KCND3: variants seen among roughly 807,000 people sequenced by gnomAD.
KCND3 encodes A-type voltage-gated potassium channel KCND3.
Under a neutral mutation model 51.1 loss-of-function variants are expected in KCND3, and 9 were observed. That is an observed-to-expected ratio of 0.18 (90% CI 0.11 to 0.31). KCND3 has a LOEUF of 0.31. Among genes scored for constraint, KCND3 ranks in the 10% least tolerant of loss-of-function variants. The pLI is 1.00. For missense variants in KCND3, 526 were observed against 903.8 expected (o/e 0.58, Z 5.36); for synonymous variants, 349 against 368.0 (o/e 0.95, Z 0.59).
chr1:111,907,124 A>G (rs1014506387), intron 2 of KCND3, among the ~76,000 whole-genome samples: 4 of 152,266 alleles, frequency 2.6e-5, no homozygotes, highest in Non-Finnish European at 4.4e-5. Context: ...CACCTGCCAC[A>G]CTTCATGGGG....
chr1:111,803,878 C>T (rs1474605441), intron 2 of KCND3, among the ~76,000 whole-genome samples: 5 of 152,212 alleles, frequency 3.3e-5, no homozygotes, highest in Non-Finnish European at 1.5e-5. Flanking sequence ...GGCCACTACT[C>T]ATTTTGCGCA....
At chr1:111,984,441 C>T (rs1675150563) in intron 1 of KCND3, among the ~76,000 whole-genome samples, 1 of 152,146 alleles carries the variant, frequency 6.6e-6, no homozygotes, top group Non-Finnish European at 1.5e-5. Context: ...TAAAGAGTTG[C>T]CAAATAATAG....
chr1:111,794,825 C>G (rs1664987023), intron 2 of KCND3, among the ~76,000 whole-genome samples: 2 of 152,354 alleles, frequency 1.3e-5, no homozygotes, highest in South Asian at 4.1e-4. Context: ...TGAGTAGACA[C>G]TATTATTATC....
At position 111,981,866 on chromosome 1, in the gene KCND3, G is replaced by C; in HGVS notation, c.861C>G (p.Val287=). 1 of 1,614,068 alleles carries C rather than the reference G, an allele frequency of 6.2e-7. No individual in the cohort carries two copies. Among genetic ancestry groups the C allele is most frequent in the Non-Finnish European group, 8.5e-7 (1 of 1,180,010 alleles). ...TNNEDVSGAF[V]TLRVFRVFRI... ...TGAAGACGCGGAAGACCCGGAGCGT[G>C]ACGAAGGCGCCGGACACGTCCTCGT... The change falls in exon 2 of 8, where the codon GTC becomes GTG. Residue 287 remains valine, a synonymous_variant. Coordinates refer to ENST00000302127, the MANE Select transcript of KCND3 (RefSeq NM_001378969.1). The surrounding 1 kb of genome is among the most constrained non-coding windows in gnomAD (Gnocchi z 6.2).
intron 2 of KCND3, among the ~76,000 whole-genome samples, chr1:111,825,825 A>C (rs890067454): frequency 6.6e-6 from 1 of 152,152 alleles, no homozygotes; most frequent in Non-Finnish European, 1.5e-5. Context: ...ATTCTTTCTA[A>C]TTTTTGCTTA....
At chr1:111,876,998 T>C (rs987039377) in intron 2 of KCND3, among the ~76,000 whole-genome samples, 1 of 152,248 alleles carries the variant, frequency 6.6e-6, no homozygotes, top group Admixed American at 6.5e-5. Context: ...AGCCCCATCA[T>C]TGACTCACTT....
intron 2 of KCND3, among the ~76,000 whole-genome samples, chr1:111,830,528 A>C (rs1369129954): frequency 6.6e-6 from 1 of 152,322 alleles, no homozygotes; most frequent in East Asian, 1.9e-4. Context: ...CCTCACTCTC[A>C]GGGACAACCC....
chr1:111,809,369 C>T (rs946725458), intron 2 of KCND3, among the ~76,000 whole-genome samples: 6 of 151,308 alleles, frequency 4.0e-5, no homozygotes, highest in Non-Finnish European at 5.9e-5. Flanking sequence ...AGTTCAGTGG[C>T]GCGATCTTGG....
At chr1:111,968,518 C>T (rs1674141622) in intron 2 of KCND3, among the ~76,000 whole-genome samples, 2 of 152,214 alleles carry the variant, frequency 1.3e-5, no homozygotes, top group South Asian at 4.1e-4. Context: ...AAGATCCATA[C>T]CTGGTGACTG....
rs1209808295 is a variant in KCND3, at chr1:111,780,209, A to G, written c.1461+16T>C. ...GGTCAGCGATGAAAAGGAGGTGGCA[A>G]AGGGCTGGGACTCACAGTGGTTTTT... On this transcript the variant is annotated intron_variant, in intron 5 of 7. Coordinates refer to ENST00000302127, the MANE Select transcript of KCND3 (RefSeq NM_001378969.1). This position sits in a 1 kb window ranked among gnomAD's most constrained non-coding sequence, Gnocchi z 4.2. The G allele has an allele frequency of 6.4e-7, 1 of 1,572,360 alleles. No homozygotes were observed. The highest frequency in any genetic ancestry group is 2.3e-5 in the East Asian group (1 of 43,356).
chr1:111,855,992 G>C (rs1268118263), intron 2 of KCND3, among the ~76,000 whole-genome samples: 1 of 152,200 alleles, frequency 6.6e-6, no homozygotes, highest in Non-Finnish European at 1.5e-5. Context: ...AGCCAAGGGA[G>C]TACCCCAACC....
chr1:111,982,493 G>A lies in KCND3; in HGVS notation c.234C>T (p.Asp78=). 6.2e-7 allele frequency: 1 copy of A among 1,608,764 alleles called. No individual in the cohort carries two copies. Among genetic ancestry groups the A allele is most frequent in the Non-Finnish European group, 8.5e-7 (1 of 1,175,814 alleles). ...CCCGGTCGAAGAAGTACTCCTTGGTGTCCTCGTTGAAGAAGAACTCCTTCT... is the reference window on the plus strand; with the variant it reads ...CCCGGTCGAAGAAGTACTCCTTGGTATCCTCGTTGAAGAAGAACTCCTTCT... ...STEKEFFFNE[D]TKEYFFDRDP... The change falls in exon 2 of 8, where the codon GAC becomes GAT. Residue 78 remains aspartate, a synonymous_variant. Coordinates refer to ENST00000302127, the MANE Select transcript of KCND3 (RefSeq NM_001378969.1). This position sits in a 1 kb window ranked among gnomAD's most constrained non-coding sequence, Gnocchi z 8.5.
chr1:111,836,165 T>C (rs1271638612), intron 2 of KCND3, among the ~76,000 whole-genome samples: 1 of 152,216 alleles, frequency 6.6e-6, no homozygotes, highest in Non-Finnish European at 1.5e-5. Flanking sequence ...AGACTTTTGG[T>C]CATCTGAGGT....
At chr1:111,915,477 G>T (rs1671153238) in intron 2 of KCND3, among the ~76,000 whole-genome samples, 1 of 152,092 alleles carries the variant, frequency 6.6e-6, no homozygotes, top group Non-Finnish European at 1.5e-5. Flanking sequence ...TGGAGGCCGG[G>T]TGCAGTGGCT....
At chr1:111,923,208 A>G (rs1029226617) in intron 2 of KCND3, among the ~76,000 whole-genome samples, 1 of 152,188 alleles carries the variant, frequency 6.6e-6, no homozygotes, top group African/African-American at 2.4e-5. Context: ...CTTGAGAACC[A>G]GTGTGGGACA....
chr1:111,837,192 T>C (rs1224051097), intron 2 of KCND3, among the ~76,000 whole-genome samples: 10 of 152,192 alleles, frequency 6.6e-5, no homozygotes, highest in Non-Finnish European at 1.5e-5. Context: ...AGTGAATTAA[T>C]GACCAAGACT....
intron 3 of KCND3, among the ~76,000 whole-genome samples, chr1:111,782,739 T>C (rs1011252435): frequency 6.6e-6 from 1 of 152,146 alleles, no homozygotes; most frequent in Non-Finnish European, 1.5e-5. Flanking sequence ...GATGAAAGAT[T>C]CTCCTGTTCT....
At chr1:111,818,481 G>C (rs1666206898) in intron 2 of KCND3, among the ~76,000 whole-genome samples, 1 of 152,214 alleles carries the variant, frequency 6.6e-6, no homozygotes, top group African/African-American at 2.4e-5. Context: ...CGTTGTGCCA[G>C]CGAGGGGTTT....
At chr1:111,934,953 C>A (rs1392314355) in intron 2 of KCND3, among the ~76,000 whole-genome samples, 1 of 152,222 alleles carries the variant, frequency 6.6e-6, no homozygotes, top group Non-Finnish European at 1.5e-5. Context: ...CACTCAACAA[C>A]TATTAGCTAT....
Sources: allele counts gnomAD v4.1 joint callset (sites outside exome capture counted in the v4.1 genomes callset), GRCh38; gene constraint gnomAD v4.1.1; non-coding constraint Gnocchi (gnomAD v3.1); transcripts MANE v1.5; gene names NCBI Gene and HGNC (gene_info 2026-07-23, HGNC 2026-07-21).